Variants in SLC16A10 observed in about 807,000 individuals in gnomAD.
SLC16A10 encodes solute carrier family 16 member 10.
SLC16A10 carries 27 observed loss-of-function variants against 40.0 expected under a neutral mutation model. The observed-to-expected ratio is 0.67, with a 90% CI of 0.50 to 0.93. The LOEUF (loss-of-function observed/expected upper bound fraction) is 0.93. Among genes scored for constraint, SLC16A10 ranks in the 40% least tolerant of loss-of-function variants. SLC16A10 has a pLI of 0.00. For synonymous variants in SLC16A10, 213 were observed against 249.8 expected, an observed-to-expected ratio of 0.85 and a Z score of 1.39; for missense variants, 529 against 658.2, an observed-to-expected ratio of 0.80 and a Z score of 2.15.
intron 1 of SLC16A10, among the ~76,000 whole-genome samples, chr6:111,137,957 A>C (rs570409713): frequency 1.3e-5 from 2 of 152,326 alleles, no homozygotes; most frequent in South Asian, 4.1e-4. Context: ...GCACAGGGGG[A>C]GGGACAATGA....
At chr6:111,098,175 G>A (rs992430164) in intron 1 of SLC16A10, among the ~76,000 whole-genome samples, 9 of 152,084 alleles carry the variant, frequency 5.9e-5, no homozygotes, top group African/African-American at 1.2e-4. Context: ...GCATGGTGGC[G>A]CATGCCTGTA....
Position 111,087,703 on chromosome 6 carries a change from A to G in SLC16A10, c.-50A>G. ...GCAGCTCCTCCGGGAGCCCGCTGGT[A>G]ACTCGCGTCCCTCGCGCTTCTCCGG... is the stretch of plus-strand genomic sequence containing the variant. On this transcript the variant is annotated 5_prime_UTR_variant, in exon 1 of 6. Coordinates refer to ENST00000368851, the MANE Select transcript of SLC16A10 (RefSeq NM_018593.5). 1 of 1,058,796 alleles carries G rather than the reference A, an allele frequency of 9.4e-7. No individual in the cohort carries two copies. The highest frequency in any genetic ancestry group is 1.2e-6 in the Non-Finnish European group (1 of 839,674). 65.6% of individuals were successfully genotyped at this position (1,058,796 alleles called of 1,614,324 possible).
chr6:111,221,326 T>C (rs988268190), intron 5 of SLC16A10, among the ~76,000 whole-genome samples: 1 of 152,216 alleles, frequency 6.6e-6, no homozygotes, highest in African/African-American at 2.4e-5. Flanking sequence ...TAAACCTTAG[T>C]CTATTTCCAA....
intron 1 of SLC16A10, among the ~76,000 whole-genome samples, chr6:111,100,597 C>T (rs1410747639): frequency 6.6e-6 from 1 of 152,030 alleles, no homozygotes; most frequent in Non-Finnish European, 1.5e-5. Context: ...CCATGTTAGC[C>T]AGGATGATCT....
intron 4 of SLC16A10, among the ~76,000 whole-genome samples, chr6:111,209,461 T>C (rs1475422129): frequency 6.6e-6 from 1 of 152,084 alleles, no homozygotes; most frequent in African/African-American, 2.4e-5. Context: ...GAATTGGGGT[T>C]TTTTAAATTA....
intron 4 of SLC16A10, among the ~76,000 whole-genome samples, chr6:111,209,948 G>T (rs760786032): frequency 6.6e-6 from 1 of 152,258 alleles, no homozygotes; most frequent in Admixed American, 6.5e-5. Flanking sequence ...AGCCACAAGG[G>T]GGGGTCTTAG....
intron 1 of SLC16A10, among the ~76,000 whole-genome samples, chr6:111,145,782 G>C (rs1204679635): frequency 1.3e-5 from 2 of 152,166 alleles, no homozygotes; most frequent in Non-Finnish European, 2.9e-5. Flanking sequence ...CCAGGATTTA[G>C]AGGCTGCAGT....
rs1770992312 is a variant in SLC16A10 at position 111,226,206 on chromosome 6, C to T, written c.*3971C>T. The T allele has an allele frequency of 6.6e-6, 1 of 151,832 alleles. No individual in the cohort carries two copies. The highest frequency in any genetic ancestry group is 6.6e-5 in the Admixed American group (1 of 15,248). The allele number at this position is 151,832 out of a possible 1,614,324, so 9.4% of individuals were successfully genotyped here. ...AAAAAAACCATTGCCAAGTCTTTAG[C>T]ATATTTTCAGAGAGCGTAATTTTTT... On this transcript the variant is annotated 3_prime_UTR_variant, in exon 6 of 6. Transcript: ENST00000368851.
At chr6:111,127,326 G>A (rs1036190161) in intron 1 of SLC16A10, among the ~76,000 whole-genome samples, 1 of 152,210 alleles carries the variant, frequency 6.6e-6, no homozygotes, top group Non-Finnish European at 1.5e-5. Context: ...AGTGACCATA[G>A]CCACATGAAT....
chr6:111,137,738 A>G lies in SLC16A10; in HGVS notation c.344-34957A>G, dbSNP rs1274506325. On this transcript the variant is annotated intron_variant, in intron 1 of 5. Coordinates refer to ENST00000368851, the MANE Select transcript of SLC16A10 (RefSeq NM_018593.5). ...ATAGTACTTGGGTTTTCCTGTTGAG[A>G]GGGGTTGCTGAGAGACAGGACTAGC... Among the ~76,000 whole-genome samples, 4 of 152,190 alleles carry G rather than the reference A, an allele frequency of 2.6e-5. No individual in the cohort carries two copies. The East Asian group carries it at 7.7e-4, about 29-fold the overall frequency.
rs1771021535 is a variant in SLC16A10, at chr6:111,227,413, T to A, written c.*5178T>A. 1 of 152,160 alleles carries A rather than the reference T, an allele frequency of 6.6e-6. No homozygotes were observed. The highest frequency in any genetic ancestry group is 2.4e-5 in the African/African-American group (1 of 41,434). 9.4% of individuals were successfully genotyped at this position (152,160 alleles called of 1,614,324 possible). A position where few individuals can be genotyped will look rare whatever the true frequency, so the allele number is the denominator to read the frequency against. ...GTTAAGTGTGAAGCTTGCATAAGTG[T>A]CGGAACCACAATTATGGACCCACCA... On this transcript the variant is annotated 3_prime_UTR_variant, in exon 6 of 6. Transcript: ENST00000368851.
intron 1 of SLC16A10, among the ~76,000 whole-genome samples, chr6:111,090,434 C>T (rs948519743): frequency 2.0e-5 from 3 of 149,320 alleles, no homozygotes; most frequent in Non-Finnish European, 4.5e-5. Flanking sequence ...CCCTGTATAA[C>T]ACAGCATCTA....
intron 1 of SLC16A10, among the ~76,000 whole-genome samples, chr6:111,122,600 T>C (rs955302786): frequency 6.6e-5 from 10 of 152,210 alleles, no homozygotes; most frequent in Non-Finnish European, 8.8e-5. Context: ...GGGCTCTTGT[T>C]ACTTCTTGTT....
intron 1 of SLC16A10, among the ~76,000 whole-genome samples, chr6:111,139,504 G>A (rs183629013): frequency 6.6e-6 from 1 of 152,130 alleles, no homozygotes; most frequent in Non-Finnish European, 1.5e-5. Context: ...GTTTCATCAT[G>A]TTGGCCAGGA....
At chr6:111,111,953 C>A (rs927244485) in intron 1 of SLC16A10, among the ~76,000 whole-genome samples, 3 of 152,096 alleles carry the variant, frequency 2.0e-5, no homozygotes, top group Non-Finnish European at 4.4e-5. Flanking sequence ...AAGTCCTTAA[C>A]TGAGTAGAAT....
intron 1 of SLC16A10, among the ~76,000 whole-genome samples, chr6:111,105,841 T>C (rs951672619): frequency 6.6e-6 from 1 of 152,172 alleles, no homozygotes; most frequent in African/African-American, 2.4e-5. Flanking sequence ...GTGCTGGAAG[T>C]GCAGTGACCC....
chr6:111,100,723 T>C (rs1053167382), intron 1 of SLC16A10, among the ~76,000 whole-genome samples: 8 of 151,964 alleles, frequency 5.3e-5, no homozygotes, highest in African/African-American at 1.9e-4. Context: ...GATGAATCAT[T>C]ATAAGGAGGT....
chr6:111,172,107 C>G (rs1772596769), intron 1 of SLC16A10, among the ~76,000 whole-genome samples: 1 of 152,102 alleles, frequency 6.6e-6, no homozygotes, highest in Non-Finnish European at 1.5e-5. Context: ...TTTAATAATT[C>G]TAGAAAGGTA....
chr6:111,126,342 G>A (rs1771673968), intron 1 of SLC16A10, among the ~76,000 whole-genome samples: 2 of 152,044 alleles, frequency 1.3e-5, no homozygotes, highest in African/African-American at 4.8e-5. Flanking sequence ...ACCAGGAGGT[G>A]TTTCTTGGTA....
Sources: allele counts gnomAD v4.1 joint callset (sites outside exome capture counted in the v4.1 genomes callset), GRCh38; gene constraint gnomAD v4.1.1; transcripts MANE v1.5; gene names NCBI Gene and HGNC (gene_info 2026-07-23, HGNC 2026-07-21).